The following ATP8A2 variants were observed in gnomAD, a reference collection of about 807,000 sequenced individuals.
The protein encoded by ATP8A2 is ATPase phospholipid transporting 8A2.
A neutral mutation model predicts 165.6 loss-of-function variants in ATP8A2; 100 were observed. The observed-to-expected ratio is 0.60, with a 90% CI of 0.51 to 0.71. The LOEUF is 0.71. Ranked by LOEUF, ATP8A2 falls within the 30% of genes least tolerant of loss-of-function variation. The probability of loss-of-function intolerance (pLI) is 0.00; values close to 1 mark genes in which losing one functional copy is unlikely to be tolerated. For missense variants in ATP8A2, 1,227 were observed against 1,479.5 expected (o/e 0.83, Z 2.80); for synonymous variants, 543 against 548.8 (o/e 0.99, Z 0.15).
chr13:25,610,575 T>C (rs1049088305), intron 24 of ATP8A2, among the ~76,000 whole-genome samples: 3 of 152,166 alleles, frequency 2.0e-5, no homozygotes, highest in Non-Finnish European at 4.4e-5. Context: ...TTCTTTTTGC[T>C]TAGTCTTGCT....
At chr13:25,955,051 C>T (rs1283514261) in intron 33 of ATP8A2, among the ~76,000 whole-genome samples, 1 of 152,166 alleles carries the variant, frequency 6.6e-6, no homozygotes, top group East Asian at 1.9e-4. Context: ...ACAAACTCCT[C>T]TGAGCTAAAG....
chr13:25,951,729 T>C (rs1287807654), intron 33 of ATP8A2, among the ~76,000 whole-genome samples: 1 of 152,222 alleles, frequency 6.6e-6, no homozygotes, highest in African/African-American at 2.4e-5. Flanking sequence ...ATTATGTTAA[T>C]GAACCACCAC....
chr13:25,952,541 G>A (rs1955397524), intron 33 of ATP8A2, among the ~76,000 whole-genome samples: 1 of 151,992 alleles, frequency 6.6e-6, no homozygotes. Context: ...ACCACACCCA[G>A]CTATTTTTAT....
chr13:25,959,095 G>A (rs1004138834), intron 33 of ATP8A2, among the ~76,000 whole-genome samples: 2 of 152,184 alleles, frequency 1.3e-5, no homozygotes, highest in Admixed American at 1.3e-4. Flanking sequence ...TCAGGCATCT[G>A]TAGCATGAGC....
chr13:25,621,059 A>G (rs1012737738), intron 24 of ATP8A2, among the ~76,000 whole-genome samples: 7 of 152,122 alleles, frequency 4.6e-5, no homozygotes, highest in Admixed American at 2.6e-4. Flanking sequence ...CCTCCATGGT[A>G]TCACTCCCAT....
At chr13:25,865,374 CTAGA>C (rs1329424329) in intron 33 of ATP8A2, among the ~76,000 whole-genome samples, 1 of 152,154 alleles carries the variant, frequency 6.6e-6, no homozygotes, top group East Asian at 1.9e-4. Context: ...ATGTGAAGTT[CTAGA>C]ATTAAACTAG....
chr13:25,451,653 G>A (rs967064637), intron 1 of ATP8A2, among the ~76,000 whole-genome samples: 4 of 151,920 alleles, frequency 2.6e-5, no homozygotes, highest in African/African-American at 4.8e-5. Context: ...CTTAGACTTC[G>A]TAGGTTCACT....
In ATP8A2 at chr13:25,524,716, A is replaced by G. The variant is rs569792297; in HGVS notation, c.222-5283A>G. On this transcript the variant is annotated intron_variant, in intron 2 of 36. Transcript: ENST00000381655. ...TCTTTCATTCTGTGTGTGTCTTTAT[A>G]GGTGATATCGGTTTCTTGTAGGCAG... Among the ~76,000 whole-genome samples the G allele has an allele frequency of 7.9e-5, 12 of 152,124 alleles. No individual in the cohort carries two copies. In the East Asian group the frequency reaches 2.1e-3, roughly 27 times the overall value.
chr13:25,555,285 G>A (rs1161097752), intron 13 of ATP8A2, among the ~76,000 whole-genome samples: 1 of 151,594 alleles, frequency 6.6e-6, no homozygotes, highest in Non-Finnish European at 1.5e-5. Flanking sequence ...GTATCACCCA[G>A]AAGTAACCAG....
chr13:25,517,775 T>C (rs1399133497), intron 2 of ATP8A2, among the ~76,000 whole-genome samples: 1 of 152,264 alleles, frequency 6.6e-6, no homozygotes, highest in Non-Finnish European at 1.5e-5. Context: ...GTTGAAAATA[T>C]AAATGGCAGT....
intron 24 of ATP8A2, among the ~76,000 whole-genome samples, chr13:25,650,291 T>C (rs1168453115): frequency 2.0e-5 from 3 of 152,174 alleles, no homozygotes; most frequent in Non-Finnish European, 4.4e-5. Flanking sequence ...AGTTGCTAGT[T>C]GAACTTTTTG....
chr13:25,437,346 T>G (rs1421983959), intron 1 of ATP8A2, among the ~76,000 whole-genome samples: 3 of 152,182 alleles, frequency 2.0e-5, no homozygotes, highest in African/African-American at 7.2e-5. Flanking sequence ...GCCCATAACC[T>G]TCTCAATCAG....
chr13:25,407,352 C>A (rs1158913137), intron 1 of ATP8A2, among the ~76,000 whole-genome samples: 3 of 152,138 alleles, frequency 2.0e-5, no homozygotes, highest in Non-Finnish European at 4.4e-5. Context: ...CCTATGAAGA[C>A]CCTTCCTCAC....
intron 7 of ATP8A2, among the ~76,000 whole-genome samples, chr13:25,539,060 A>AGTGTGT (rs57382485): frequency 0.023 from 3,193 of 137,462 alleles, 83 homozygotes; most frequent in African/African-American, 0.059. Context: ...TAGAAAATTT[A>AGTGTGT]GTGTGTGTGT....
intron 35 of ATP8A2, among the ~76,000 whole-genome samples, chr13:25,980,379 T>C (rs1956150743): frequency 6.6e-6 from 1 of 152,144 alleles, no homozygotes; most frequent in Admixed American, 6.5e-5. Context: ...AACTGAGACC[T>C]AAACAGGCAG....
intron 28 of ATP8A2, among the ~76,000 whole-genome samples, chr13:25,828,397 C>T (rs1477790118): frequency 6.6e-6 from 1 of 152,194 alleles, no homozygotes; most frequent in African/African-American, 2.4e-5. Context: ...CATAGCAGAT[C>T]ATTCCTGAAT....
intron 24 of ATP8A2, among the ~76,000 whole-genome samples, chr13:25,597,950 G>A (rs574423798): frequency 2.8e-4 from 43 of 151,602 alleles, no homozygotes; most frequent in African/African-American, 1.0e-3. Flanking sequence ...TAAGAGATAT[G>A]TACTTACTCT....
chr13:25,734,938 C>T (rs182842033), intron 25 of ATP8A2, among the ~76,000 whole-genome samples: 1 of 151,880 alleles, frequency 6.6e-6, no homozygotes, highest in Non-Finnish European at 1.5e-5. Context: ...CATGCCTGGC[C>T]GTGATAAGGT....
At chr13:25,604,799 A>G (rs956087671) in intron 24 of ATP8A2, among the ~76,000 whole-genome samples, 13 of 152,240 alleles carry the variant, frequency 8.5e-5, no homozygotes, top group South Asian at 2.1e-4. Flanking sequence ...TTCCCATCCA[A>G]TGGGTTTGTT....
Sources: gnomAD v4.1 joint callset for allele counts (sites outside exome capture counted in the v4.1 genomes callset) on GRCh38, gnomAD v4.1.1 for gene constraint, MANE v1.5 for transcripts, NCBI Gene and HGNC (gene_info 2026-07-23, HGNC 2026-07-21) for gene names.